The following STS variants were observed in gnomAD, a reference collection of about 807,000 sequenced individuals.
The protein encoded by STS is steroid sulfatase.
In STS, 7 loss-of-function variants were observed where a neutral mutation model predicts 26.8. That is an observed-to-expected ratio of 0.26 (90% CI 0.15 to 0.49). The LOEUF is 0.49. STS is among the 20% of genes least tolerant of loss of function. The probability of loss-of-function intolerance (pLI) is 0.98; values close to 1 mark genes in which losing one functional copy is unlikely to be tolerated. For missense variants in STS, 434 were observed against 465.6 expected, an observed-to-expected ratio of 0.93 and a Z score of 0.63; for synonymous variants, 199 against 189.4, an observed-to-expected ratio of 1.05 and a Z score of -0.42.
At chrX:7,250,233 C>T (rs1337458787) in intron 2 of STS, among the ~76,000 whole-genome samples, 1 of 110,764 alleles carries the variant, frequency 9.0e-6, no homozygotes, top group African/African-American at 3.3e-5. Flanking sequence ...CAGCCAATCT[C>T]TCTGAGTCTT....
intron 2 of STS, among the ~76,000 whole-genome samples, chrX:7,233,618 A>G (rs1156846309): frequency 9.0e-6 from 1 of 111,486 alleles, no homozygotes; most frequent in Non-Finnish European, 1.9e-5. Context: ...TTATTTATAG[A>G]TAATCACAGC....
chrX:7,280,506 A>G (rs1328221411), intron 7 of STS, among the ~76,000 whole-genome samples: 2 of 112,254 alleles, frequency 1.8e-5, no homozygotes, highest in African/African-American at 6.5e-5. Context: ...TCAGGGAAGA[A>G]CAAACGTGTA....
Position 7,334,071 on chromosome X carries a change from G to A in STS, c.1327G>A (p.Ala443Thr). The A allele has an allele frequency of 1.7e-6, 2 of 1,211,256 alleles. No homozygotes were observed. The highest frequency in any genetic ancestry group is 2.2e-6 in the Non-Finnish European group (2 of 895,279). Residue 443 changes from alanine to threonine, a missense_variant, in exon 10 of 11, where the codon GCC (alanine) becomes ACC (threonine). Around this residue, in one of 2 missense-constraint regions of STS, gnomAD observed 205 missense variants for 177.3 expected, o/e 1.16. Coordinates refer to ENST00000674429, the MANE Select transcript of STS (RefSeq NM_001320752.2). ...TGAGTTTCTCTTCCATTACTGCAAC[G>A]CCTACTTAAATGCTGTGCGCTGGCA... ...DHEFLFHYCNAYLNAVRWHPQ... is the reference protein window; with the variant it reads ...DHEFLFHYCNTYLNAVRWHPQ...
At chrX:7,347,313 A>G (rs1458263343) in intron 10 of STS, among the ~76,000 whole-genome samples, 2 of 112,195 alleles carry the variant, frequency 1.8e-5, no homozygotes, top group East Asian at 5.6e-4. Context: ...AAAGTGGTCC[A>G]GAGAAACAGC....
chrX:7,278,413 A>G (rs1298810102), intron 7 of STS, among the ~76,000 whole-genome samples: 1 of 112,228 alleles, frequency 8.9e-6, no homozygotes, highest in Non-Finnish European at 1.9e-5. Context: ...GGTGCATCTC[A>G]GTCACTCAGA....
At chrX:7,221,893 T>G (rs754272733) in intron 2 of STS, among the ~76,000 whole-genome samples, 1 of 112,013 alleles carries the variant, frequency 8.9e-6, no homozygotes, top group South Asian at 3.8e-4. Context: ...TATAGACTGC[T>G]TCTGACTCCC....
chrX:7,250,312 A>G (rs908977378), intron 2 of STS, among the ~76,000 whole-genome samples: 2 of 109,045 alleles, frequency 1.8e-5, no homozygotes, highest in African/African-American at 6.7e-5. Context: ...CTGAAATTAT[A>G]TTATCTGAAT....
At chrX:7,233,091 CTTTTTTTTTTTTT>C (rs3077766) in intron 2 of STS, among the ~76,000 whole-genome samples, 1 of 69,874 alleles carries the variant, frequency 1.4e-5, no homozygotes, top group Non-Finnish European at 2.7e-5. Context: ...TTCTTTTTTT[CTTTTTTTTTTTTT>C]TTTTTTTGAG....
intron 7 of STS, among the ~76,000 whole-genome samples, chrX:7,292,126 T>C (rs1287163478): frequency 8.8e-6 from 1 of 113,039 alleles, no homozygotes; most frequent in Non-Finnish European, 1.9e-5. Flanking sequence ...TTTTGCGTAG[T>C]GCTGCCTTGC....
chrX:7,305,043 C>T lies in STS; in HGVS notation c.944-3C>T. The T allele has an allele frequency of 1.7e-6, 2 of 1,210,662 alleles. No individual in the cohort carries two copies. The highest frequency in any genetic ancestry group is 3.0e-5 in the East Asian group (1 of 33,798). ...TTTTAAATGGAGTCTTTTTCCCCTC[C>T]AGGGCAGATCTTGAACCTTCTGGAT... On this transcript the variant is annotated splice_region_variant and splice_polypyrimidine_tract_variant and intron_variant, in intron 7 of 10. Coordinates refer to ENST00000674429, the MANE Select transcript of STS (RefSeq NM_001320752.2).
At chrX:7,297,992 G>A (rs138957721) in intron 7 of STS, among the ~76,000 whole-genome samples, 1,224 of 111,548 alleles carry the variant, frequency 0.011, 25 homozygotes, top group African/African-American at 0.037. Context: ...GCATTTGACT[G>A]ATTGAATCCC....
rs1246974136 is a variant in STS, at chrX:7,351,465, C to T, written c.*1204C>T. Reference sequence around the variant, plus strand: ...GCGCAACTGATCGCCTAGGAGAGGGCCTCGTAGTGGCACAGCTGGAGATAG... The same window carrying T: ...GCGCAACTGATCGCCTAGGAGAGGGTCTCGTAGTGGCACAGCTGGAGATAG... On this transcript the variant is annotated 3_prime_UTR_variant, in exon 11 of 11. Transcript: ENST00000674429. 8.9e-6 allele frequency: 1 copy of T among 111,753 alleles called. No individual in the cohort carries two copies. The highest frequency in any genetic ancestry group is 1.9e-5 in the Non-Finnish European group (1 of 53,183). 9.2% of individuals were successfully genotyped at this position (111,753 alleles called of 1,213,427 possible). A position where few individuals can be genotyped will look rare whatever the true frequency, so the allele number is the denominator to read the frequency against.
intron 10 of STS, among the ~76,000 whole-genome samples, 162 bp from the exon 11 acceptor site, chrX:7,349,726 C>T (rs1320128737): frequency 3.6e-5 from 4 of 111,476 alleles, no homozygotes; most frequent in African/African-American, 1.3e-4. Flanking sequence ...CTATGTGTGG[C>T]TTCATAATCT....
chrX:7,287,579 A>G (rs1188840589), intron 7 of STS, among the ~76,000 whole-genome samples: 8 of 111,052 alleles, frequency 7.2e-5, no homozygotes, highest in African/African-American at 2.6e-4. Flanking sequence ...CCATTTCACC[A>G]TTTCGATTTT....
chrX:7,255,118 C>T (rs1569202857), intron 3 of STS, among the ~76,000 whole-genome samples: 1 of 112,419 alleles, frequency 8.9e-6, no homozygotes, highest in Non-Finnish European at 1.9e-5. Context: ...ATATGTCTCA[C>T]TTTCAATCTG....
At chrX:7,203,329 GAACTA>G (rs1934108939) in intron 2 of STS, among the ~76,000 whole-genome samples, 1 of 102,342 alleles carries the variant, frequency 9.8e-6, no homozygotes, top group Non-Finnish European at 2.0e-5. Context: ...TAAAAAATAG[GAACTA>G]AACAAATTTC....
intron 2 of STS, among the ~76,000 whole-genome samples, chrX:7,205,505 T>G (rs1262867088): frequency 8.9e-6 from 1 of 112,108 alleles, no homozygotes; most frequent in Non-Finnish European, 1.9e-5. Flanking sequence ...GTGTATTCAC[T>G]GACTTTATTC....
At chrX:7,171,821 C>A (rs1933473685) in intron 1 of STS, among the ~76,000 whole-genome samples, 1 of 111,737 alleles carries the variant, frequency 8.9e-6, no homozygotes, top group African/African-American at 3.3e-5. Flanking sequence ...CTCTTAGAGG[C>A]CTTCTTGAAA....
intron 6 of STS, among the ~76,000 whole-genome samples, chrX:7,264,721 T>G (rs1396969766): frequency 8.9e-6 from 1 of 112,023 alleles, no homozygotes; most frequent in African/African-American, 3.2e-5. Context: ...AATAAGCTTC[T>G]CAAGACATTC....
Sources: allele counts gnomAD v4.1 joint callset (sites outside exome capture counted in the v4.1 genomes callset), GRCh38; gene constraint gnomAD v4.1.1; regional missense constraint gnomAD v4.1.1; transcripts MANE v1.5; gene names NCBI Gene and HGNC (gene_info 2026-07-23, HGNC 2026-07-21).